RALGAPA2: variants seen among roughly 807,000 people sequenced by gnomAD.
RALGAPA2 encodes the protein ral GTPase-activating protein subunit alpha-2.
Under a neutral mutation model 230.4 loss-of-function variants are expected in RALGAPA2, and 139 were observed. The observed-to-expected ratio is 0.60, with a 90% CI of 0.53 to 0.69. RALGAPA2 has a LOEUF of 0.69. Ranked by LOEUF, RALGAPA2 falls within the 30% of genes least tolerant of loss-of-function variation. The pLI is 0.00. For missense variants in RALGAPA2, 2,163 were observed against 2,276.0 expected (o/e 0.95, Z 1.01); for synonymous variants, 847 against 837.8 (o/e 1.01, Z -0.19).
At chr20:20,394,349 C>A (rs532970861) in intron 39 of RALGAPA2, among the ~76,000 whole-genome samples, 2 of 152,168 alleles carry the variant, frequency 1.3e-5, no homozygotes, top group African/African-American at 4.8e-5. Flanking sequence ...TCAGTCAGGT[C>A]GGGCATACAG....
chr20:20,503,984 C>A (rs1447599696), intron 34 of RALGAPA2, among the ~76,000 whole-genome samples: 1 of 152,188 alleles, frequency 6.6e-6, no homozygotes, highest in Non-Finnish European at 1.5e-5. Context: ...CCACTTTACA[C>A]CACTGCCGAA....
chr20:20,433,737 G>T (rs925864775), intron 37 of RALGAPA2, among the ~76,000 whole-genome samples: 2 of 152,014 alleles, frequency 1.3e-5, no homozygotes, highest in Non-Finnish European at 2.9e-5. Flanking sequence ...GCTGATAAAT[G>T]AGATAGTCTG....
Position 20,472,841 on chromosome 20 carries a change from A to G in RALGAPA2, c.5483T>C (p.Leu1828Pro). ...AGCAAAAAGATACAAGCTCTGGTAG[A>G]GTGGGATGAGGCACTTCACAGCCCT... is the stretch of plus-strand genomic sequence containing the variant. The part of the protein sequence containing the change: ...ASRAVKCLIP[L>P]YQSFYEERAL... Residue 1828 changes from leucine (L) to proline (P), a missense_variant, in exon 37 of 40, where the codon CTC becomes CCC. Physicochemically the swap from Leu to Pro is moderately conservative, Grantham distance 98 (BLOSUM62 -3). Transcript: ENST00000202677. The G allele has an allele frequency of 9.9e-6, 16 of 1,613,024 alleles. No individual in the cohort carries two copies. Among genetic ancestry groups the G allele is most frequent in the Non-Finnish European group, 1.4e-5 (16 of 1,179,538 alleles).
chr20:20,702,144 GAGA>G (rs1858210105), intron 1 of RALGAPA2, among the ~76,000 whole-genome samples: 1 of 152,128 alleles, frequency 6.6e-6, no homozygotes, highest in Admixed American at 6.5e-5. Context: ...TGGGAATTCT[GAGA>G]AGAGATACAT....
At chr20:20,525,589 G>A (rs752698350) in intron 28 of RALGAPA2, among the ~76,000 whole-genome samples, 2 of 152,162 alleles carry the variant, frequency 1.3e-5, no homozygotes, top group Non-Finnish European at 2.9e-5. Context: ...GTTACCACTG[G>A]ATGTATAAGA....
chr20:20,490,868 A>ATG (rs2062032904), intron 36 of RALGAPA2, among the ~76,000 whole-genome samples: 2 of 150,266 alleles, frequency 1.3e-5, no homozygotes, highest in African/African-American at 4.9e-5. Flanking sequence ...ATGAACACAC[A>ATG]CACACACACA....
intron 30 of RALGAPA2, among the ~76,000 whole-genome samples, chr20:20,522,544 G>C (rs1383187464): frequency 6.6e-6 from 1 of 152,192 alleles, no homozygotes; most frequent in African/African-American, 2.4e-5. Context: ...GCTATCCCTG[G>C]ACATGGGTAT....
intron 20 of RALGAPA2, among the ~76,000 whole-genome samples, chr20:20,573,540 A>G (rs1197693865): frequency 2.0e-5 from 3 of 152,308 alleles, no homozygotes; most frequent in Admixed American, 6.5e-5. Flanking sequence ...TGTTGCCATA[A>G]ACTGCCACCA....
rs376741834 is a variant in RALGAPA2, at chr20:20,503,483, C to G, written c.5076G>C (p.Gly1692=). Residue 1692 remains glycine, a synonymous_variant, in exon 35 of 40, where the codon GGG becomes GGC. Transcript: ENST00000202677. The part of the protein sequence containing the change: ...GWEVDLSTHC[G]FMGGLQRNGS... The stretch of plus-strand genomic sequence containing the variant: ...CATTGCGCTGAAGGCCACCCATGAA[C>G]CCACAGTGGGTGGAGAGATCCACCT... 1 of 1,593,698 alleles carries G rather than the reference C, an allele frequency of 6.3e-7. No individual in the cohort carries two copies. Among genetic ancestry groups the G allele is most frequent in the Non-Finnish European group, 8.5e-7 (1 of 1,170,576 alleles).
At position 20,607,571 on chromosome 20, in the gene RALGAPA2, C is replaced by T. The variant is rs192578112; in HGVS notation, c.1801-2159G>A. Among the ~76,000 whole-genome samples, 19 of 152,188 alleles carry T rather than the reference C, an allele frequency of 1.2e-4. No individual in the cohort carries two copies. The East Asian group carries it at 1.7e-3, about 14-fold the overall frequency. ...GATGAATTTGAGGCCATTGCCATAACGTACCTATAGACAATAAAATTAATA... is the reference window on the plus strand; with the variant it reads ...GATGAATTTGAGGCCATTGCCATAATGTACCTATAGACAATAAAATTAATA... On this transcript the variant is annotated intron_variant, in intron 14 of 39. Coordinates refer to ENST00000202677, the MANE Select transcript of RALGAPA2 (RefSeq NM_020343.4).
chr20:20,528,203 G>C (rs2063272896), intron 27 of RALGAPA2, among the ~76,000 whole-genome samples: 1 of 152,186 alleles, frequency 6.6e-6, no homozygotes, highest in African/African-American at 2.4e-5. Context: ...GGTGGGGAAT[G>C]GTGGAGATGA....
At chr20:20,691,284 C>A (rs1286476804) in intron 1 of RALGAPA2, among the ~76,000 whole-genome samples, 1 of 152,134 alleles carries the variant, frequency 6.6e-6, no homozygotes, top group East Asian at 1.9e-4. Flanking sequence ...TCCCTTCTTT[C>A]TCAATTTAAC....
chr20:20,524,364 TA>T (rs2063136020), intron 30 of RALGAPA2, 41 bp downstream of exon 30: 1 of 1,611,070 alleles, frequency 6.2e-7, no homozygotes, highest in African/African-American at 1.3e-5. Flanking sequence ...CTCTGTCATA[TA>T]AACCCACACT....
chr20:20,646,041 T>G (rs1284997778), intron 4 of RALGAPA2, among the ~76,000 whole-genome samples: 1 of 150,862 alleles, frequency 6.6e-6, no homozygotes, highest in African/African-American at 2.4e-5. Flanking sequence ...GAACCTTGCT[T>G]GGCCTCTGTA....
Position 20,531,846 on chromosome 20 carries a change from T to A in RALGAPA2, c.3474-51A>T, listed in dbSNP as rs144229399. 9 of 1,320,972 alleles carry A rather than the reference T, an allele frequency of 6.8e-6. No individual in the cohort carries two copies. The African/African-American group carries it at 1.0e-4, about 15-fold the overall frequency. 81.8% of individuals were successfully genotyped at this position (1,320,972 alleles called of 1,614,324 possible). A position where few individuals can be genotyped will look rare whatever the true frequency, so the allele number is the denominator to read the frequency against. Reference sequence around the variant, plus strand: ...AAAACTCTCATGAAACTTAATATACTTTCTCAGTATTTTCAAATAACAAAA... The same window carrying A: ...AAAACTCTCATGAAACTTAATATACATTCTCAGTATTTTCAAATAACAAAA... On this transcript the variant is annotated intron_variant, in intron 26 of 39. Transcript: ENST00000202677.
intron 15 of RALGAPA2, 34 bp from the exon 16 acceptor site, chr20:20,601,880 G>T: frequency 6.5e-7 from 1 of 1,536,078 alleles, no homozygotes. Flanking sequence ...TCTAAAGGCT[G>T]AATTCATTAT....
At chr20:20,640,175 T>C (rs2066986319) in intron 6 of RALGAPA2, among the ~76,000 whole-genome samples, 1 of 152,126 alleles carries the variant, frequency 6.6e-6, no homozygotes, top group Non-Finnish European at 1.5e-5. Context: ...TAACGCAATA[T>C]ACAGTAATAA....
chr20:20,635,481 T>A lies in RALGAPA2; in HGVS notation c.942A>T (p.Lys314Asn). The A allele has an allele frequency of 1.2e-6, 2 of 1,601,550 alleles. No homozygotes were observed. The highest frequency in any genetic ancestry group is 1.7e-6 in the Non-Finnish European group (2 of 1,175,372). ...TGTTTTGTGTTGCAGTTAGATACTT[T>A]TTTTCCAAAAAGAAGGTTACAATCC... ...IKWIVTFFLE[K>N]KYLTATQNTK... is the part of the protein sequence containing the mutation. The change falls in exon 9 of 40, where the codon AAA becomes AAT. Residue 314 changes from lysine (K) to asparagine (N), a missense_variant. Transcript: ENST00000202677.
intron 23 of RALGAPA2, among the ~76,000 whole-genome samples, chr20:20,556,672 A>C (rs79431763): frequency 6.6e-6 from 1 of 152,210 alleles, no homozygotes; most frequent in South Asian, 2.1e-4. Flanking sequence ...CCAGTAAGTG[A>C]TAACAGTGGA....
Sources: allele counts gnomAD v4.1 joint callset (sites outside exome capture counted in the v4.1 genomes callset), GRCh38; gene constraint gnomAD v4.1.1; transcripts MANE v1.5; gene names NCBI Gene and HGNC (gene_info 2026-07-23, HGNC 2026-07-21).